TAX1BP1: variants seen among roughly 807,000 people sequenced by gnomAD.
TAX1BP1 encodes tax1-binding protein 1.
A neutral mutation model predicts 97.7 loss-of-function variants in TAX1BP1; 62 were observed. That is an observed-to-expected ratio of 0.63 (90% CI 0.52 to 0.78). TAX1BP1 has a LOEUF of 0.78. Among genes scored for constraint, TAX1BP1 ranks in the 30% least tolerant of loss-of-function variants. The pLI is 0.00. For missense variants in TAX1BP1, 867 were observed against 916.1 expected (o/e 0.95, Z 0.69); for synonymous variants, 340 against 304.2 (o/e 1.12, Z -1.23).
chr7:27,752,065 A>G (rs1352305909), intron 2 of TAX1BP1, among the ~76,000 whole-genome samples: 4 of 152,184 alleles, frequency 2.6e-5, no homozygotes, highest in Admixed American at 1.3e-4. Context: ...TTTAGAAGTG[A>G]AGCTTAATCT....
intron 1 of TAX1BP1, among the ~76,000 whole-genome samples, chr7:27,740,901 G>A (rs1787564437): frequency 6.6e-6 from 1 of 152,190 alleles, no homozygotes; most frequent in Non-Finnish European, 1.5e-5. Context: ...CGCCCCGTTC[G>A]CAAGGTGTGG....
chr7:27,747,671 G>T (rs2128307042), intron 1 of TAX1BP1, among the ~76,000 whole-genome samples: 1 of 152,228 alleles, frequency 6.6e-6, no homozygotes, highest in Middle Eastern at 3.4e-3. Context: ...AGCCCAAGAA[G>T]ACAGGCTGGG....
At position 27,769,200 on chromosome 7, in the gene TAX1BP1, A is replaced by C. The variant is rs17155810; in HGVS notation, c.454-476A>C. 3.7e-3 allele frequency among the ~76,000 whole-genome samples: 560 copies of C among 151,990 alleles called. 3 individuals carry two copies. The highest frequency in any genetic ancestry group is 0.013 in the African/African-American group (532 of 41,492). On this transcript the variant is annotated intron_variant, in intron 4 of 16. Coordinates refer to ENST00000396319, the MANE Select transcript of TAX1BP1 (RefSeq NM_006024.7). ...AAACTATACATTTCTTGGTGTCTTA[A>C]GGAATCAGCACTTTTAGTAGTAATT...
intron 4 of TAX1BP1, among the ~76,000 whole-genome samples, chr7:27,767,893 T>C (rs1583685454): frequency 6.6e-6 from 1 of 152,084 alleles, no homozygotes; most frequent in Non-Finnish European, 1.5e-5. Context: ...TTGGTGAGTC[T>C]TTAAAATTCT....
intron 13 of TAX1BP1, among the ~76,000 whole-genome samples, chr7:27,801,187 A>G (rs1466071535): frequency 6.6e-6 from 1 of 150,438 alleles, no homozygotes; most frequent in Non-Finnish European, 1.5e-5. Flanking sequence ...TATTTCTTCT[A>G]AGGAATAAAG....
chr7:27,759,714 T>C (rs1338599216), intron 3 of TAX1BP1, among the ~76,000 whole-genome samples: 5 of 152,208 alleles, frequency 3.3e-5, no homozygotes, highest in African/African-American at 1.2e-4. Context: ...AATGTTCTTA[T>C]GTTAGCAGAA....
intron 7 of TAX1BP1, among the ~76,000 whole-genome samples, chr7:27,786,355 G>A (rs968471402): frequency 6.6e-6 from 1 of 151,978 alleles, no homozygotes; most frequent in Non-Finnish European, 1.5e-5. Context: ...GGATGGTCTC[G>A]ATCTCCTGAC....
At chr7:27,804,491 T>C (rs1790259274) in intron 13 of TAX1BP1, among the ~76,000 whole-genome samples, 1 of 152,222 alleles carries the variant, frequency 6.6e-6, no homozygotes, top group African/African-American at 2.4e-5. Context: ...TGATACTAAC[T>C]ACCATGAGTT....
chr7:27,757,889 A>G (rs1011669830), intron 2 of TAX1BP1, 142 bp from the exon 3 acceptor site: 10 of 494,234 alleles, frequency 2.0e-5, no homozygotes, highest in African/African-American at 3.9e-5. Context: ...ATAATTTGAC[A>G]TGCTTGTTAA....
intron 9 of TAX1BP1, 100 bp from the exon 10 acceptor site, chr7:27,792,966 A>T: frequency 5.2e-6 from 6 of 1,158,926 alleles, no homozygotes; most frequent in Non-Finnish European, 7.2e-6. Context: ...TGTCTCAAAA[A>T]CAAAAAAAAG....
intron 9 of TAX1BP1, 81 bp from the exon 10 acceptor site, chr7:27,792,985 T>G: frequency 7.7e-7 from 1 of 1,295,420 alleles, no homozygotes; most frequent in Non-Finnish European, 1.1e-6. Context: ...AGAAAAAAAG[T>G]AAGATTGAAG....
intron 13 of TAX1BP1, among the ~76,000 whole-genome samples, chr7:27,802,317 G>T (rs1790169972): frequency 1.3e-5 from 2 of 152,186 alleles, no homozygotes; most frequent in South Asian, 4.1e-4. Flanking sequence ...AATCAGGTAG[G>T]AATATTCTTA....
At chr7:27,768,700 TA>T (rs958144696) in intron 4 of TAX1BP1, among the ~76,000 whole-genome samples, 2 of 152,100 alleles carry the variant, frequency 1.3e-5, no homozygotes, top group Admixed American at 6.5e-5. Flanking sequence ...AGATAAGATA[TA>T]AAAAAATTCA....
chr7:27,772,875 C>T (rs1286065653), intron 5 of TAX1BP1, among the ~76,000 whole-genome samples: 1 of 151,744 alleles, frequency 6.6e-6, no homozygotes, highest in Non-Finnish European at 1.5e-5. Flanking sequence ...TTGTATTTCC[C>T]CTAGATTTTT....
At chr7:27,806,079 A>G (rs986276800) in intron 13 of TAX1BP1, among the ~76,000 whole-genome samples, 3 of 149,616 alleles carry the variant, frequency 2.0e-5, no homozygotes, top group Admixed American at 6.7e-5. Context: ...TAATACTGAT[A>G]GAGTTTCAGT....
rs780805545 is a variant in TAX1BP1, at chr7:27,827,783, T to G, written c.2131T>G (p.Leu711Val). 1 of 1,613,900 alleles carries G rather than the reference T, an allele frequency of 6.2e-7. No individual in the cohort carries two copies. The highest frequency in any genetic ancestry group is 1.3e-5 in the African/African-American group (1 of 74,922). ...TGCTCCTGATCCTCCAAGTCAACATTTACGTGGGCATGGGACAGGCTTTTG... is the reference window on the plus strand; with the variant it reads ...TGCTCCTGATCCTCCAAGTCAACATGTACGTGGGCATGGGACAGGCTTTTG... ...PTAPDPPSQHLRGHGTGFCFD... is the reference protein window; with the variant it reads ...PTAPDPPSQHVRGHGTGFCFD... The change falls in exon 16 of 17, where the codon TTA (leucine) becomes GTA (valine). Residue 711 changes from leucine to valine, a missense_variant. Leu to Val is a conservative substitution (Grantham distance 32). Transcript: ENST00000396319.
upstream of TAX1BP1, chr7:27,739,640 G>A (rs1211926157): frequency 6.6e-6 from 1 of 152,172 alleles, no homozygotes; most frequent in Non-Finnish European, 1.5e-5. Flanking sequence ...AAGCTCCTAG[G>A]AGCTTTCAGT....
intron 1 of TAX1BP1, among the ~76,000 whole-genome samples, chr7:27,743,105 A>C (rs541437419): frequency 6.6e-6 from 1 of 152,326 alleles, no homozygotes; most frequent in Admixed American, 6.5e-5. Flanking sequence ...GCATTTTAGA[A>C]ACCAACTTAT....
intron 5 of TAX1BP1, among the ~76,000 whole-genome samples, chr7:27,781,533 A>C (rs1007137311): frequency 2.6e-5 from 4 of 152,172 alleles, no homozygotes; most frequent in African/African-American, 7.2e-5. Flanking sequence ...AATATTGTAT[A>C]AAATGTAAAA....
Sources: gnomAD v4.1 joint callset for allele counts (sites outside exome capture counted in the v4.1 genomes callset) on GRCh38, gnomAD v4.1.1 for gene constraint, MANE v1.5 for transcripts, NCBI Gene and HGNC (gene_info 2026-07-23, HGNC 2026-07-21) for gene names.